KIAA0232: variants seen among roughly 807,000 people sequenced by gnomAD.
The protein encoded by KIAA0232 is uncharacterized protein KIAA0232.
Under a neutral mutation model 122.0 loss-of-function variants are expected in KIAA0232, and 27 were observed. The ratio of observed to expected loss-of-function variants is 0.22; its 90% confidence interval spans 0.16 to 0.31. The LOEUF (loss-of-function observed/expected upper bound fraction) is 0.31, where lower values mean the gene tolerates loss of function less well. KIAA0232 is among the 10% of genes least tolerant of loss of function. The pLI is 1.00. For missense variants in KIAA0232, 1,551 were observed against 1,634.2 expected, an observed-to-expected ratio of 0.95 and a Z score of 0.88; for synonymous variants, 613 against 587.6, an observed-to-expected ratio of 1.04 and a Z score of -0.63.
chr4:6,859,416 C>T lies in KIAA0232; in HGVS notation c.518+910C>T, dbSNP rs144907502. On this transcript the variant is annotated intron_variant, in intron 6 of 9. Coordinates refer to ENST00000307659, the MANE Select transcript of KIAA0232 (RefSeq NM_014743.3). Reference sequence around the variant, plus strand: ...AGAAGCTGTAAGCCATGTGTGACTACTGAGCACTTGAAATGGGGCTGGTTC... The same window carrying T: ...AGAAGCTGTAAGCCATGTGTGACTATTGAGCACTTGAAATGGGGCTGGTTC... Among the ~76,000 whole-genome samples, 435 of 152,234 alleles carry T rather than the reference C, an allele frequency of 2.9e-3. 3 individuals are homozygous for T. The highest frequency in any genetic ancestry group is 1.0e-2 in the African/African-American group (415 of 41,530).
At chr4:6,820,819 T>A (rs950998318) in intron 2 of KIAA0232, among the ~76,000 whole-genome samples, 1 of 152,204 alleles carries the variant, frequency 6.6e-6, no homozygotes, top group Non-Finnish European at 1.5e-5. Flanking sequence ...TGACACAGAT[T>A]AGGTATTTAT....
chr4:6,828,251 G>A (rs927963160), intron 3 of KIAA0232, among the ~76,000 whole-genome samples: 5 of 152,178 alleles, frequency 3.3e-5, no homozygotes, highest in African/African-American at 1.2e-4. Context: ...GGGTTTACCT[G>A]TAGTCCCAGC....
intron 3 of KIAA0232, among the ~76,000 whole-genome samples, chr4:6,837,239 C>T (rs1435584903): frequency 2.0e-5 from 3 of 149,358 alleles, no homozygotes; most frequent in Non-Finnish European, 3.0e-5. Flanking sequence ...TCAGAAGGGG[C>T]GGCGGGTCAC....
intron 7 of KIAA0232, among the ~76,000 whole-genome samples, chr4:6,870,420 T>A (rs1426685421): frequency 6.6e-6 from 1 of 152,242 alleles, no homozygotes; most frequent in Admixed American, 6.5e-5. Flanking sequence ...GAATTTGAAT[T>A]TGTAATTTGG....
chr4:6,828,975 A>T (rs1354349636), intron 3 of KIAA0232, among the ~76,000 whole-genome samples: 1 of 151,758 alleles, frequency 6.6e-6, no homozygotes, highest in Non-Finnish European at 1.5e-5. Flanking sequence ...TTCTCATTGC[A>T]GTTTTCTCCC....
At chr4:6,879,700 T>C (rs1394002055) in intron 9 of KIAA0232, among the ~76,000 whole-genome samples, 5 of 152,060 alleles carry the variant, frequency 3.3e-5, no homozygotes, top group African/African-American at 1.2e-4. Context: ...CCAGAGATGC[T>C]GACCATCTGG....
At chr4:6,819,153 C>T (rs1718292411) in intron 2 of KIAA0232, among the ~76,000 whole-genome samples, 1 of 152,152 alleles carries the variant, frequency 6.6e-6, no homozygotes, top group Non-Finnish European at 1.5e-5. Flanking sequence ...AAACACCATT[C>T]TGGCCTTAGG....
Position 6,863,684 on chromosome 4 carries a change from G to T in KIAA0232, c.3302G>T (p.Arg1101Leu). Residue 1101 changes from arginine (R) to leucine (L), a missense_variant, in exon 7 of 10, where the codon CGG (arginine) becomes CTG (leucine). Arg to Leu is a moderately radical substitution (Grantham distance 102, BLOSUM62 -2). Coordinates refer to ENST00000307659, the MANE Select transcript of KIAA0232 (RefSeq NM_014743.3). Reference sequence around the variant, plus strand: ...GACAGAACACAATACAGGGCTATTCGGATCTCTCCTCGGACTCACTTTCGC... The same window carrying T: ...GACAGAACACAATACAGGGCTATTCTGATCTCTCCTCGGACTCACTTTCGC... The part of the protein sequence containing the change: ...GVDRTQYRAI[R>L]ISPRTHFRPI... 6.2e-7 allele frequency: 1 copy of T among 1,614,136 alleles called. No individual in the cohort carries two copies. Among genetic ancestry groups the T allele is most frequent in the Non-Finnish European group, 8.5e-7 (1 of 1,180,026 alleles).
At chr4:6,809,345 C>T (rs901442058) in intron 2 of KIAA0232, among the ~76,000 whole-genome samples, 7 of 152,162 alleles carry the variant, frequency 4.6e-5, no homozygotes, top group African/African-American at 1.7e-4. Context: ...TGCTTTGACT[C>T]ATAAAATGTG....
intron 5 of KIAA0232, among the ~76,000 whole-genome samples, chr4:6,858,105 A>C (rs530845424): frequency 6.6e-6 from 1 of 152,352 alleles, no homozygotes; most frequent in African/African-American, 2.4e-5. Flanking sequence ...TTTGGAATCT[A>C]AACAGATGTT....
intron 5 of KIAA0232, among the ~76,000 whole-genome samples, chr4:6,857,690 C>G (rs1487683896): frequency 6.6e-6 from 1 of 152,184 alleles, no homozygotes; most frequent in Non-Finnish European, 1.5e-5. Flanking sequence ...GAAGGGACTT[C>G]TGTTTTGACT....
chr4:6,854,256 T>TA (rs1407782729), intron 4 of KIAA0232, among the ~76,000 whole-genome samples: 19 of 152,156 alleles, frequency 1.2e-4, no homozygotes, highest in Admixed American at 1.1e-3. Context: ...AGCTTTTTTT[T>TA]ACTGAATCTT....
intron 3 of KIAA0232, among the ~76,000 whole-genome samples, chr4:6,841,764 G>A (rs766617389): frequency 6.6e-6 from 1 of 152,126 alleles, no homozygotes; most frequent in Non-Finnish European, 1.5e-5. Context: ...CAAGACTTGT[G>A]CACCAAAAAC....
At chr4:6,785,390 G>A (rs1035689413) in intron 1 of KIAA0232, among the ~76,000 whole-genome samples, 6 of 152,300 alleles carry the variant, frequency 3.9e-5, no homozygotes, top group African/African-American at 1.2e-4. Flanking sequence ...CCTGCGCTTT[G>A]TCCTTGTTTT....
chr4:6,828,302 G>C (rs1374655586), intron 3 of KIAA0232, among the ~76,000 whole-genome samples: 2 of 152,140 alleles, frequency 1.3e-5, no homozygotes, highest in African/African-American at 2.4e-5. Context: ...TGAGCCTGGG[G>C]GGTGGAGGCT....
At chr4:6,811,068 T>G (rs1190596988) in intron 2 of KIAA0232, among the ~76,000 whole-genome samples, 1 of 152,210 alleles carries the variant, frequency 6.6e-6, no homozygotes, top group Non-Finnish European at 1.5e-5. Context: ...GAAAATAGAA[T>G]GAGCATTCAA....
At chr4:6,869,079 C>T (rs548851114) in intron 7 of KIAA0232, among the ~76,000 whole-genome samples, 33 of 152,212 alleles carry the variant, frequency 2.2e-4, no homozygotes, top group African/African-American at 7.7e-4. Flanking sequence ...GACGTGGTCC[C>T]GCCCCTCAGG....
intron 3 of KIAA0232, among the ~76,000 whole-genome samples, chr4:6,837,359 G>A (rs1031896448): frequency 1.5e-4 from 23 of 151,284 alleles, no homozygotes; most frequent in African/African-American, 4.1e-4. Flanking sequence ...GACGATGGGC[G>A]GCCGGGCAGA....
chr4:6,810,539 A>G (rs1231306572), intron 2 of KIAA0232, among the ~76,000 whole-genome samples: 2 of 152,222 alleles, frequency 1.3e-5, no homozygotes, highest in African/African-American at 2.4e-5. Context: ...AGTGACTAAG[A>G]CCTCAAAAAC....
Sources: gnomAD v4.1 joint callset for allele counts (sites outside exome capture counted in the v4.1 genomes callset) on GRCh38, gnomAD v4.1.1 for gene constraint, MANE v1.5 for transcripts, NCBI Gene and HGNC (gene_info 2026-07-23, HGNC 2026-07-21) for gene names.